Variants in DTWD2 observed in about 807,000 individuals in gnomAD.
DTWD2 encodes the protein DTW motif tRNA-uridine aminocarboxypropyltransferase 2, also known as tRNA-uridine aminocarboxypropyltransferase 2.
DTWD2 carries 39 observed loss-of-function variants against 31.8 expected under a neutral mutation model. That is an observed-to-expected ratio of 1.22 (90% CI 0.95 to 1.60). DTWD2 has a LOEUF of 1.60. Among genes scored for constraint, DTWD2 ranks in the 40% most tolerant of loss-of-function variants. The pLI is 0.00. For synonymous variants in DTWD2, 180 were observed against 142.8 expected (o/e 1.26, Z -1.86); for missense variants, 515 against 381.5 (o/e 1.35, Z -2.92).
At chr5:118,885,992 A>C (rs187912357) in intron 4 of DTWD2, among the ~76,000 whole-genome samples, 144 of 152,190 alleles carry the variant, frequency 9.5e-4, no homozygotes, top group African/African-American at 2.9e-3. Flanking sequence ...CACACACACA[A>C]AAAAACTTTC....
intron 1 of DTWD2, among the ~76,000 whole-genome samples, chr5:118,982,466 T>C (rs908794434): frequency 1.3e-5 from 2 of 152,178 alleles, no homozygotes; most frequent in African/African-American, 4.8e-5. Context: ...TGCACAATGA[T>C]TTGTAAATCA....
intron 1 of DTWD2, among the ~76,000 whole-genome samples, chr5:118,952,847 G>A (rs966065524): frequency 7.2e-5 from 11 of 152,086 alleles, no homozygotes; most frequent in African/African-American, 2.2e-4. Flanking sequence ...TTGTTTGCAC[G>A]TCTCTGTTAC....
chr5:118,852,258 C>A (rs1752026298), intron 4 of DTWD2, among the ~76,000 whole-genome samples: 1 of 151,958 alleles, frequency 6.6e-6, no homozygotes, highest in Admixed American at 6.6e-5. Context: ...GGTTTCATAT[C>A]ATTCAAACAC....
At chr5:118,892,585 A>T (rs1439078221) in intron 4 of DTWD2, among the ~76,000 whole-genome samples, 6 of 152,142 alleles carry the variant, frequency 3.9e-5, no homozygotes, top group Non-Finnish European at 8.8e-5. Flanking sequence ...TATATAAATT[A>T]TACTTAAATT....
chr5:118,977,608 T>C (rs1380191754), intron 1 of DTWD2, among the ~76,000 whole-genome samples: 4 of 152,064 alleles, frequency 2.6e-5, no homozygotes, highest in Admixed American at 2.6e-4. Context: ...GAGAATAAAA[T>C]GCCTAGATAT....
At chr5:118,905,848 T>C (rs1753316935) in intron 4 of DTWD2, among the ~76,000 whole-genome samples, 1 of 152,164 alleles carries the variant, frequency 6.6e-6, no homozygotes, top group African/African-American at 2.4e-5. Context: ...ACATCATGTA[T>C]ATGACTTTTT....
chr5:118,954,661 C>T (rs902969608), intron 1 of DTWD2, among the ~76,000 whole-genome samples: 2 of 152,132 alleles, frequency 1.3e-5, no homozygotes, highest in South Asian at 4.1e-4. Context: ...TACAGGTGTG[C>T]ACCACCACAT....
At chr5:118,966,200 A>G (rs958135441) in intron 1 of DTWD2, among the ~76,000 whole-genome samples, 1 of 152,218 alleles carries the variant, frequency 6.6e-6, no homozygotes, top group East Asian at 1.9e-4. Context: ...AGTTTCCTAG[A>G]TGTACAGTGG....
intron 1 of DTWD2, among the ~76,000 whole-genome samples, chr5:118,971,425 G>T (rs1245811168): frequency 6.6e-6 from 1 of 152,070 alleles, no homozygotes; most frequent in Non-Finnish European, 1.5e-5. Context: ...GTTCAACAAG[G>T]AGAGCTAACT....
intron 4 of DTWD2, among the ~76,000 whole-genome samples, chr5:118,858,582 T>C (rs535815850): frequency 7.9e-5 from 12 of 152,218 alleles, no homozygotes; most frequent in Non-Finnish European, 1.5e-4. Flanking sequence ...GTATGTATTA[T>C]GCAGATTCCA....
chr5:118,938,834 A>G (rs1412577404), intron 3 of DTWD2, among the ~76,000 whole-genome samples: 9 of 149,372 alleles, frequency 6.0e-5, no homozygotes, highest in African/African-American at 2.2e-4. Flanking sequence ...AAAGTTGTGG[A>G]AGATATTTAA....
intron 4 of DTWD2, among the ~76,000 whole-genome samples, chr5:118,925,985 T>G (rs2149577599): frequency 6.6e-6 from 1 of 152,120 alleles, no homozygotes; most frequent in Admixed American, 6.5e-5. Flanking sequence ...ACCCCAGCAC[T>G]TTGGGAAGCC....
intron 4 of DTWD2, among the ~76,000 whole-genome samples, chr5:118,924,406 T>G (rs771304157): frequency 6.6e-6 from 1 of 152,206 alleles, no homozygotes; most frequent in Non-Finnish European, 1.5e-5. Context: ...CACCGGTACA[T>G]GATCTATATA....
intron 4 of DTWD2, among the ~76,000 whole-genome samples, chr5:118,914,156 G>A (rs990202122): frequency 1.3e-5 from 2 of 152,156 alleles, no homozygotes; most frequent in African/African-American, 2.4e-5. Context: ...GAATTCATGT[G>A]TTGGAAACTT....
chr5:118,909,393 C>G (rs903237784), intron 4 of DTWD2, among the ~76,000 whole-genome samples: 1 of 152,184 alleles, frequency 6.6e-6, no homozygotes, highest in African/African-American at 2.4e-5. Flanking sequence ...GAAGCTTTCA[C>G]CACTGAGGAA....
chr5:118,856,965 C>T (rs1049524452), intron 4 of DTWD2, among the ~76,000 whole-genome samples: 4 of 151,384 alleles, frequency 2.6e-5, no homozygotes, highest in East Asian at 1.9e-4. Flanking sequence ...TTAGTAGAGA[C>T]GGGGTTTCAA....
At chr5:118,950,680 T>TG (rs1418334057) in intron 1 of DTWD2, among the ~76,000 whole-genome samples, 1 of 152,166 alleles carries the variant, frequency 6.6e-6, no homozygotes, top group African/African-American at 2.4e-5. Context: ...AGCAAGATCC[T>TG]GGGGGAGGAG....
chr5:118,876,755 A>C (rs1166207658), intron 4 of DTWD2, among the ~76,000 whole-genome samples: 1 of 152,216 alleles, frequency 6.6e-6, no homozygotes, highest in Non-Finnish European at 1.5e-5. Flanking sequence ...CAACCAAAAA[A>C]AGCCAAGGAC....
Position 118,881,363 on chromosome 5 carries a change from T to A in DTWD2, c.598-33145A>T, listed in dbSNP as rs193028020. 5.8e-3 allele frequency among the ~76,000 whole-genome samples: 879 copies of A among 152,322 alleles called. 4 individuals carry two copies. Among genetic ancestry groups the A allele is most frequent in the Non-Finnish European group, 9.5e-3 (647 of 68,026 alleles). On this transcript the variant is annotated intron_variant, in intron 4 of 5. Coordinates refer to ENST00000510708, the MANE Select transcript of DTWD2 (RefSeq NM_173666.4). ...ATTGCTAATTTCAAAAAAATATAAT[T>A]TGAGTATTTGAAAAGTTCATACGCC... is the stretch of plus-strand genomic sequence containing the variant.
Sources: gnomAD v4.1 joint callset for allele counts (sites outside exome capture counted in the v4.1 genomes callset) on GRCh38, gnomAD v4.1.1 for gene constraint, MANE v1.5 for transcripts, NCBI Gene and HGNC (gene_info 2026-07-23, HGNC 2026-07-21) for gene names.